The following RSPH14 variants were observed in gnomAD, a reference collection of about 807,000 sequenced individuals.
RSPH14 encodes the protein radial spoke head 14 homolog.
In RSPH14, 20 loss-of-function variants were observed where a neutral mutation model predicts 26.7. That is an observed-to-expected ratio of 0.75 (90% confidence interval 0.53 to 1.09). RSPH14 has a LOEUF of 1.09. RSPH14 is among the 50% of genes least tolerant of loss of function. The pLI, the probability that RSPH14 is intolerant of heterozygous loss-of-function variation, is 0.00. For missense variants in RSPH14, 449 were observed against 457.2 expected (o/e 0.98, Z 0.16); for synonymous variants, 177 against 189.3 (o/e 0.93, Z 0.53).
At chr22:23,111,368 T>C (rs1181179897) in intron 4 of RSPH14, among the ~76,000 whole-genome samples, 2 of 152,200 alleles carry the variant, frequency 1.3e-5, no homozygotes, top group African/African-American at 4.8e-5. Context: ...GCAAGCGCAC[T>C]GGACTCGGTT....
chr22:23,070,597 G>C (rs1383196796), intron 4 of RSPH14: 1 of 142,056 alleles, frequency 7.0e-6, no homozygotes, highest in Admixed American at 6.9e-5. Flanking sequence ...GCGGCCGGCC[G>C]CGCGCCGCTG....
the RSPH14 span, among the ~76,000 whole-genome samples, chr22:23,159,546 C>CCATAACTACT: frequency 1.3e-5 from 2 of 152,204 alleles, no homozygotes; most frequent in Non-Finnish European, 2.9e-5. Flanking sequence ...CCGGAGAACC[C>CCATAACTACT]CATAACTACT....
intron 4 of RSPH14, among the ~76,000 whole-genome samples, chr22:23,108,349 G>T (rs560228958): frequency 6.6e-6 from 1 of 152,254 alleles, no homozygotes; most frequent in Non-Finnish European, 1.5e-5. Context: ...AAATTAAAAG[G>T]GTTGGGGTTG....
chr22:23,073,851 G>A (rs995576900), intron 4 of RSPH14, among the ~76,000 whole-genome samples: 4 of 152,024 alleles, frequency 2.6e-5, no homozygotes, highest in African/African-American at 9.7e-5. Flanking sequence ...ACACCAGACG[G>A]GCAGGGGTTG....
intron 4 of RSPH14, chr22:23,096,118 C>T: frequency 3.7e-6 from 6 of 1,611,720 alleles, no homozygotes; most frequent in Non-Finnish European, 3.4e-6. Context: ...AGGCCTGCTT[C>T]AGCCGCTCCA....
At chr22:23,135,491 C>CAAATAAAT (rs1313375285) in intron 3 of RSPH14, among the ~76,000 whole-genome samples, 2 of 70,822 alleles carry the variant, frequency 2.8e-5, no homozygotes, top group Non-Finnish European at 7.2e-5. Flanking sequence ...GACTCTGTCT[C>CAAATAAAT]AAATAAGTAA....
At chr22:23,081,922 G>C (rs58478384) in intron 4 of RSPH14, among the ~76,000 whole-genome samples, 11,867 of 150,394 alleles carry the variant, frequency 0.079, 1,576 homozygotes, top group African/African-American at 0.27. Flanking sequence ...TCAGGAGATC[G>C]AGACCATCCT....
chr22:23,139,079 G>A, intron 2 of RSPH14, 137 bp from the exon 3 acceptor site: 1 of 642,932 alleles, frequency 1.6e-6, no homozygotes, highest in Non-Finnish European at 2.7e-6. Context: ...GGGCACTGGG[G>A]AATCATGTTG....
At chr22:23,125,609 A>C (rs2070164609) in intron 4 of RSPH14, among the ~76,000 whole-genome samples, 1 of 152,216 alleles carries the variant, frequency 6.6e-6, no homozygotes, top group Non-Finnish European at 1.5e-5. Context: ...CGAACCAGGC[A>C]CGGAGCCGGG....
intron 4 of RSPH14, among the ~76,000 whole-genome samples, chr22:23,082,838 TTCA>T (rs2068719415): frequency 6.6e-6 from 1 of 152,138 alleles, no homozygotes; most frequent in Admixed American, 6.5e-5. Context: ...AGATGCTGGT[TTCA>T]CAGAGCTGAG....
intron 4 of RSPH14, among the ~76,000 whole-genome samples, chr22:23,079,841 G>A (rs986050816): frequency 3.3e-5 from 5 of 152,170 alleles, no homozygotes; most frequent in African/African-American, 1.2e-4. Context: ...GGAAAGGGAC[G>A]CAGGGAAGGC....
At chr22:23,091,457 CAT>C (rs2068972836) in intron 4 of RSPH14, among the ~76,000 whole-genome samples, 1 of 150,400 alleles carries the variant, frequency 6.6e-6, no homozygotes, top group African/African-American at 2.5e-5. Flanking sequence ...GGGTCCTATG[CAT>C]ACACACACAC....
chr22:23,113,667 T>C (rs2069725241), intron 4 of RSPH14, among the ~76,000 whole-genome samples: 1 of 152,210 alleles, frequency 6.6e-6, no homozygotes, highest in South Asian at 2.1e-4. Flanking sequence ...CACAGGCCCC[T>C]CCACTCGGTA....
At chr22:23,173,432 CCTT>C in the RSPH14 span, among the ~76,000 whole-genome samples, 1 of 151,252 alleles carries the variant, frequency 6.6e-6, no homozygotes, top group Non-Finnish European at 1.5e-5. Context: ...CTGTGCCTGG[CCTT>C]CTTTTCATTT....
At position 23,064,281 on chromosome 22, in the gene RSPH14, C is replaced by T. The variant is rs2068156786; in HGVS notation, c.422-148G>A. ...GCAAGTGCCACCCCCACACACACGT[C>T]CCGCCTGGCCAGGGGCCTGAGCGAC... On this transcript the variant is annotated intron_variant, in intron 4 of 6. Transcript: ENST00000216036. 7 of 704,460 alleles carry T rather than the reference C, an allele frequency of 9.9e-6. No individual in the cohort carries two copies. The South Asian group carries it at 1.2e-4, about 13-fold the overall frequency. 43.6% of individuals were successfully genotyped at this position (704,460 alleles called of 1,614,324 possible).
intron 4 of RSPH14, among the ~76,000 whole-genome samples, chr22:23,115,165 T>G (rs943205888): frequency 6.6e-6 from 1 of 152,018 alleles, no homozygotes; most frequent in Non-Finnish European, 1.5e-5. Flanking sequence ...GGAGACCAGA[T>G]GGGTCAGTAC....
chr22:23,134,277 A>T (rs2070420088), intron 3 of RSPH14, 133 bp from the exon 4 acceptor site: 1 of 659,964 alleles, frequency 1.5e-6, no homozygotes. Flanking sequence ...GCTTTGTGGG[A>T]GCAGACAAAG....
chr22:23,128,491 G>A (rs1160611049), intron 4 of RSPH14, among the ~76,000 whole-genome samples: 1 of 152,232 alleles, frequency 6.6e-6, no homozygotes, highest in Non-Finnish European at 1.5e-5. Flanking sequence ...CACGGCGCAT[G>A]AGTAGCCAGC....
intron 4 of RSPH14, among the ~76,000 whole-genome samples, chr22:23,122,053 C>T (rs916249904): frequency 6.6e-6 from 1 of 152,220 alleles, no homozygotes; most frequent in African/African-American, 2.4e-5. Flanking sequence ...AAATCCAAAG[C>T]ATCAGATCTA....
Sources: gnomAD v4.1 joint callset for allele counts (sites outside exome capture counted in the v4.1 genomes callset) on GRCh38, gnomAD v4.1.1 for gene constraint, MANE v1.5 for transcripts, NCBI Gene and HGNC (gene_info 2026-07-23, HGNC 2026-07-21) for gene names.